Variants in SYNE1 observed in about 807,000 individuals in gnomAD.
The protein encoded by SYNE1 is nesprin-1.
SYNE1 carries 616 observed loss-of-function variants against 1,111.0 expected under a neutral mutation model. That is an observed-to-expected ratio of 0.55 (90% CI 0.52 to 0.59). SYNE1 has a LOEUF of 0.59. SYNE1 is among the 20% of genes least tolerant of loss of function. The pLI is 0.00. For missense variants in SYNE1, 10,006 were observed against 10,417.0 expected (o/e 0.96, Z 1.72); for synonymous variants, 3,855 against 3,825.8 (o/e 1.01, Z -0.28).
At chr6:152,291,011 T>A (rs1179599790) in intron 95 of SYNE1, among the ~76,000 whole-genome samples, 1 of 150,210 alleles carries the variant, frequency 6.7e-6, no homozygotes, top group Non-Finnish European at 1.5e-5. Flanking sequence ...AATTCTACAT[T>A]ATTGCTATTT....
At chr6:152,497,366 G>A (rs1305036014) in intron 11 of SYNE1, among the ~76,000 whole-genome samples, 1 of 152,148 alleles carries the variant, frequency 6.6e-6, no homozygotes, top group African/African-American at 2.4e-5. Flanking sequence ...ATATAATTAA[G>A]GTACATGTTT....
At chr6:152,359,587 A>G in intron 64 of SYNE1, 129 bp from the exon 65 acceptor site, 1 of 1,106,978 alleles carries the variant, frequency 9.0e-7, no homozygotes. Flanking sequence ...CCACTCCTCC[A>G]TCATTTTATC....
chr6:152,136,033 C>T (rs2056998062), intron 141 of SYNE1, among the ~76,000 whole-genome samples: 1 of 152,186 alleles, frequency 6.6e-6, no homozygotes, highest in Non-Finnish European at 1.5e-5. Flanking sequence ...CCAATGTTAG[C>T]TCAAAGAGCC....
chr6:152,168,147 C>T (rs1442133681), intron 130 of SYNE1: 1 of 778,852 alleles, frequency 1.3e-6, no homozygotes, highest in Non-Finnish European at 2.4e-6. Flanking sequence ...GGGAGATCTG[C>T]ATCCACACAG....
At position 152,444,430 on chromosome 6, in the gene SYNE1, T is replaced by G; in HGVS notation, c.3818A>C (p.Gln1273Pro). The G allele has an allele frequency of 6.2e-7, 1 of 1,613,956 alleles. No individual in the cohort carries two copies. The highest frequency in any genetic ancestry group is 1.1e-5 in the South Asian group (1 of 91,082). Residue 1273 changes from glutamine to proline, a missense_variant, in exon 30 of 146, where the codon CAG becomes CCG. Physicochemically the swap from Gln to Pro is moderately conservative, Grantham distance 76. This residue lies in a region of SYNE1 where 1,971 missense variants were observed against 2,084.1 expected (regional missense o/e 0.95). Coordinates refer to ENST00000367255, the MANE Select transcript of SYNE1 (RefSeq NM_182961.4). Reference sequence around the variant, plus strand: ...TTTTACCTGGTGATGAAGAAGTAACTGCTGTGCTTCAAACAGATTTTCAGT... The same window carrying G: ...TTTTACCTGGTGATGAAGAAGTAACGGCTGTGCTTCAAACAGATTTTCAGT... ...LDTENLFEAQ[Q>P]LLLHHQQKTK... is the part of the protein sequence containing the mutation.
At chr6:152,337,297 T>C (rs992557878) in intron 75 of SYNE1, among the ~76,000 whole-genome samples, 10 of 152,178 alleles carry the variant, frequency 6.6e-5, no homozygotes. Flanking sequence ...AATAATTTTT[T>C]TTTTTTTTTG....
intron 108 of SYNE1, among the ~76,000 whole-genome samples, chr6:152,237,502 TG>T (rs2084480761): frequency 6.6e-6 from 1 of 151,230 alleles, no homozygotes; most frequent in African/African-American, 2.5e-5. Context: ...TTTGTAGAGA[TG>T]GGGGTCTCAC....
chr6:152,544,557 G>C (rs1382134613), intron 3 of SYNE1, among the ~76,000 whole-genome samples: 1 of 151,542 alleles, frequency 6.6e-6, no homozygotes, highest in Non-Finnish European at 1.5e-5. Flanking sequence ...AAAAAAAAAG[G>C]GTTCTGGCTC....
rs568997364 is a variant in SYNE1, at chr6:152,278,381, C to T, written c.18382-101G>A. 72 of 1,364,120 alleles carry T rather than the reference C, an allele frequency of 5.3e-5. No homozygotes were observed. The South Asian group carries it at 6.9e-4, about 13-fold the overall frequency. 84.5% of individuals were successfully genotyped at this position (1,364,120 alleles called of 1,614,324 possible). A position where few individuals can be genotyped will look rare whatever the true frequency, so the allele number is the denominator to read the frequency against. ...CAGCCCTTTGGAGTCTTTTACGAAA[C>T]GGACAGGCTTTCATGATTTTTTGTA... On this transcript the variant is annotated intron_variant, in intron 97 of 145. Coordinates refer to ENST00000367255, the MANE Select transcript of SYNE1 (RefSeq NM_182961.4).
intron 3 of SYNE1, among the ~76,000 whole-genome samples, chr6:152,574,984 GA>G (rs2128346496): frequency 6.6e-6 from 1 of 152,276 alleles, no homozygotes; most frequent in African/African-American, 2.4e-5. Context: ...TATTTTAAGA[GA>G]ATAACCATTG....
At chr6:152,190,755 C>T (rs2813527) in intron 127 of SYNE1, among the ~76,000 whole-genome samples, 3,483 of 152,308 alleles carry the variant, frequency 0.023, 77 homozygotes, top group East Asian at 0.1. Flanking sequence ...TTTCTACTCT[C>T]TATCTCCATG....
At chr6:152,252,766 T>G (rs892510549) in intron 104 of SYNE1, among the ~76,000 whole-genome samples, 60 of 152,336 alleles carry the variant, frequency 3.9e-4, no homozygotes, top group African/African-American at 1.3e-3. Flanking sequence ...AATGTCTTTT[T>G]GTTCGTGAGC....
rs954620227 is a variant in SYNE1, at chr6:152,636,800, G to C, written c.-386C>G. ...CGGTCTGCAGGACTGCGGGAGCCCAGCCGCCCTGGTGACAGAGGACAACAA... is the reference window on the plus strand; with the variant it reads ...CGGTCTGCAGGACTGCGGGAGCCCACCCGCCCTGGTGACAGAGGACAACAA... On this transcript the variant is annotated 5_prime_UTR_variant, in exon 2 of 146. Transcript: ENST00000367255. The C allele has an allele frequency of 6.6e-6, 1 of 152,190 alleles. No individual in the cohort carries two copies. Among genetic ancestry groups the C allele is most frequent in the Non-Finnish European group, 1.5e-5 (1 of 68,046 alleles). The allele number at this position is 152,190 out of a possible 1,614,324, so 9.4% of individuals were successfully genotyped here. A position where few individuals can be genotyped will look rare whatever the true frequency, so the allele number is the denominator to read the frequency against.
chr6:152,137,550 T>C (rs1020337317), intron 140 of SYNE1, among the ~76,000 whole-genome samples: 8 of 152,198 alleles, frequency 5.3e-5, no homozygotes, highest in South Asian at 4.1e-4. Flanking sequence ...TTTGGCTTTG[T>C]GCATTTCCAA....
At chr6:152,456,206 C>A (rs1048339259) in intron 22 of SYNE1, among the ~76,000 whole-genome samples, 162 bp from the exon 23 acceptor site, 17 of 151,870 alleles carry the variant, frequency 1.1e-4, no homozygotes, top group African/African-American at 3.9e-4. Flanking sequence ...TTCAAAAGAT[C>A]TCAATTTTAA....
intron 84 of SYNE1, among the ~76,000 whole-genome samples, chr6:152,319,314 T>C (rs1234759542): frequency 6.6e-6 from 1 of 152,202 alleles, no homozygotes; most frequent in Non-Finnish European, 1.5e-5. Flanking sequence ...CAGCTGAGTT[T>C]GAATCCTATC....
At chr6:152,561,645 T>C (rs1317862008) in intron 3 of SYNE1, among the ~76,000 whole-genome samples, 1 of 152,170 alleles carries the variant, frequency 6.6e-6, no homozygotes, top group Non-Finnish European at 1.5e-5. Flanking sequence ...GCTGGAGGCA[T>C]ATTTCCTGAT....
Position 152,538,238 on chromosome 6 carries a change from A to G in SYNE1, c.129+1722T>C, listed in dbSNP as rs962710638. 2.6e-5 allele frequency among the ~76,000 whole-genome samples: 4 copies of G among 152,192 alleles called. No homozygotes were observed. In the South Asian group the frequency reaches 6.2e-4, roughly 24 times the overall value. The stretch of plus-strand genomic sequence containing the variant: ...AAAATATCATACAAGTGTTCAAACA[A>G]CGTATACCAGGACTTTCACTGTAGT... On this transcript the variant is annotated intron_variant, in intron 4 of 145. Transcript: ENST00000367255.
chr6:152,165,328 A>T (rs117478218), intron 130 of SYNE1, among the ~76,000 whole-genome samples: 3 of 152,204 alleles, frequency 2.0e-5, no homozygotes, highest in Middle Eastern at 3.2e-3. Context: ...TCCAGTTTCA[A>T]TAAATCAATG....
Sources: gnomAD v4.1 joint callset for allele counts (sites outside exome capture counted in the v4.1 genomes callset) on GRCh38, gnomAD v4.1.1 for gene constraint, gnomAD v4.1.1 regional missense constraint, MANE v1.5 for transcripts, NCBI Gene and HGNC (gene_info 2026-07-23, HGNC 2026-07-21) for gene names.